Variants in CHN2 observed in about 807,000 individuals in gnomAD.
CHN2 encodes chimerin 2.
Under a neutral mutation model 56.3 loss-of-function variants are expected in CHN2, and 35 were observed. That is an observed-to-expected ratio of 0.62 (90% CI 0.47 to 0.82). The LOEUF is 0.82. Ranked by LOEUF, CHN2 falls within the 40% of genes least tolerant of loss-of-function variation. The pLI is 0.00. For missense variants in CHN2, 491 were observed against 580.5 expected, an observed-to-expected ratio of 0.85 and a Z score of 1.58; for synonymous variants, 210 against 212.8, an observed-to-expected ratio of 0.99 and a Z score of 0.12.
chr7:29,240,467 T>C (rs1009162101), intron 1 of CHN2, among the ~76,000 whole-genome samples: 2 of 152,178 alleles, frequency 1.3e-5, no homozygotes, highest in Admixed American at 1.3e-4. Flanking sequence ...TGAATGACAG[T>C]CTGAGGCAGA....
chr7:29,368,111 A>G, intron 3 of CHN2, 124 bp downstream of exon 3: 3 of 667,156 alleles, frequency 4.5e-6, no homozygotes, highest in Non-Finnish European at 6.7e-6. Context: ...TGGAGTGTCA[A>G]AAAATTTAAC....
intron 6 of CHN2, among the ~76,000 whole-genome samples, chr7:29,463,484 C>A (rs556019864): frequency 4.6e-5 from 7 of 152,118 alleles, no homozygotes; most frequent in Admixed American, 4.6e-4. Context: ...GTGCTTTTAC[C>A]AGAGCGCAAC....
rs116526099 is a variant in CHN2 at position 29,230,047 on chromosome 7, C to T, written c.49+35057C>T. Among the ~76,000 whole-genome samples the T allele has an allele frequency of 3.7e-3, 568 of 152,172 alleles. 4 individuals carry two copies. The highest frequency in any genetic ancestry group is 0.013 in the African/African-American group (550 of 41,498). On this transcript the variant is annotated intron_variant, in intron 1 of 12. Transcript: ENST00000222792. ...CCATGCCCATTTGTTTAGGTATTGT[C>T]GATGGCTGCTTTCCCACTACCCTAG...
chr7:29,400,376 C>T (rs1230801612), intron 5 of CHN2, 167 bp from the exon 6 acceptor site: 38 of 653,668 alleles, frequency 5.8e-5, no homozygotes, highest in East Asian at 1.9e-4. Flanking sequence ...ACCATTATAC[C>T]GTCTCAAAGG....
chr7:29,188,966 T>TC (rs1799052726), intron 2 of CHN2, among the ~76,000 whole-genome samples: 1 of 150,758 alleles, frequency 6.6e-6, no homozygotes, highest in Admixed American at 6.6e-5. Context: ...TTTTTTTTTT[T>TC]GAGACAGAAT....
intron 3 of CHN2, among the ~76,000 whole-genome samples, chr7:29,382,338 C>T (rs144964083): frequency 2.0e-5 from 3 of 152,230 alleles, no homozygotes; most frequent in Admixed American, 1.3e-4. Context: ...ATCACTGGCT[C>T]GAAGTCACAG....
chr7:29,400,615 G>A lies in CHN2; in HGVS notation c.363G>A (p.Glu121=). 5.6e-6 allele frequency: 9 copies of A among 1,614,162 alleles called. No homozygotes were observed. The highest frequency in any genetic ancestry group is 6.8e-6 in the Non-Finnish European group (8 of 1,180,026). ...GKHFVGEKRF[E]SIHDLVTDGL... is the part of the protein sequence containing the mutation. ...ACTTTGTGGGTGAGAAGAGGTTTGA[G>A]TCGATTCATGATCTGGTGACAGATG... The change falls in exon 6 of 13, where the codon GAG becomes GAA. Residue 121 remains glutamate, a synonymous_variant. Transcript: ENST00000222792.
chr7:29,226,497 TC>T (rs1199692378), intron 1 of CHN2, among the ~76,000 whole-genome samples: 2 of 152,186 alleles, frequency 1.3e-5, no homozygotes, highest in African/African-American at 2.4e-5. Context: ...CAGAGCTTTA[TC>T]CTATTTATTT....
At chr7:29,449,014 A>G (rs774505653) in intron 6 of CHN2, among the ~76,000 whole-genome samples, 2 of 152,232 alleles carry the variant, frequency 1.3e-5, no homozygotes, top group African/African-American at 2.4e-5. Context: ...TTTCTGATTT[A>G]CAAGTTACCA....
chr7:29,308,105 A>G (rs1205744872), intron 1 of CHN2, among the ~76,000 whole-genome samples: 1 of 152,210 alleles, frequency 6.6e-6, no homozygotes, highest in Non-Finnish European at 1.5e-5. Context: ...AGTATGGAGA[A>G]TGTAGAATAA....
At chr7:29,350,256 A>G (rs1380519552) in intron 1 of CHN2, among the ~76,000 whole-genome samples, 4 of 152,078 alleles carry the variant, frequency 2.6e-5, no homozygotes, top group African/African-American at 9.7e-5. Flanking sequence ...CATTTGCCAA[A>G]TGACAAAGTG....
At chr7:29,281,488 T>C (rs181498152) in intron 1 of CHN2, among the ~76,000 whole-genome samples, 43 of 152,294 alleles carry the variant, frequency 2.8e-4, no homozygotes, top group Admixed American at 4.6e-4. Context: ...ATCCCTAGGA[T>C]TGGAATTGCT....
chr7:29,507,161 T>C (rs1790662815), intron 10 of CHN2, 67 bp from the exon 11 acceptor site: 6 of 1,434,758 alleles, frequency 4.2e-6, no homozygotes, highest in Admixed American at 2.4e-5. Context: ...TTTTTTTTTT[T>C]CCTTTCTGTA....
chr7:29,217,400 C>T (rs1785427845), intron 1 of CHN2, among the ~76,000 whole-genome samples: 1 of 152,124 alleles, frequency 6.6e-6, no homozygotes, highest in South Asian at 2.1e-4. Flanking sequence ...ATCAGTCTTT[C>T]AGTTTGAATG....
intron 2 of CHN2, among the ~76,000 whole-genome samples, chr7:29,153,391 C>T (rs1404703068): frequency 2.6e-5 from 4 of 152,092 alleles, no homozygotes; most frequent in African/African-American, 9.7e-5. Flanking sequence ...CTGAGTGTGT[C>T]CACCTTCTCT....
intron 2 of CHN2, among the ~76,000 whole-genome samples, chr7:29,360,306 G>A (rs1354948765): frequency 6.6e-6 from 1 of 152,148 alleles, no homozygotes; most frequent in Non-Finnish European, 1.5e-5. Flanking sequence ...CAGATCACCT[G>A]CGGTTGGGAG....
intron 1 of CHN2, among the ~76,000 whole-genome samples, chr7:29,273,009 T>C (rs1036874533): frequency 3.3e-5 from 5 of 152,068 alleles, no homozygotes; most frequent in African/African-American, 1.2e-4. Context: ...TATAATACAA[T>C]TTTATTAACT....
chr7:29,295,727 C>G (rs1793097397), intron 1 of CHN2, among the ~76,000 whole-genome samples: 2 of 152,190 alleles, frequency 1.3e-5, no homozygotes, highest in Admixed American at 1.3e-4. Context: ...TACTTCTTTT[C>G]ATAATATTTG....
intron 1 of CHN2, among the ~76,000 whole-genome samples, chr7:29,317,591 A>T (rs1279738327): frequency 6.6e-6 from 1 of 152,234 alleles, no homozygotes; most frequent in Non-Finnish European, 1.5e-5. Flanking sequence ...CAGAGTTGCT[A>T]AAACAGTTCA....
Sources: gnomAD v4.1 joint callset for allele counts (sites outside exome capture counted in the v4.1 genomes callset) on GRCh38, gnomAD v4.1.1 for gene constraint, MANE v1.5 for transcripts, NCBI Gene and HGNC (gene_info 2026-07-23, HGNC 2026-07-21) for gene names.